AGRN: variants seen among roughly 807,000 people sequenced by gnomAD.
The protein encoded by AGRN is agrin.
Under a neutral mutation model 211.0 loss-of-function variants are expected in AGRN, and 106 were observed. The observed-to-expected ratio is 0.50, with a 90% CI of 0.43 to 0.59. The LOEUF (loss-of-function observed/expected upper bound fraction) is 0.59, where lower values mean the gene tolerates loss of function less well. Among genes scored for constraint, AGRN ranks in the 20% least tolerant of loss-of-function variants. The pLI, the probability that AGRN is intolerant of heterozygous loss-of-function variation, is 0.00. For synonymous variants in AGRN, 1,525 were observed against 1,332.5 expected (o/e 1.14, Z -3.15); for missense variants, 3,040 against 2,982.6 (o/e 1.02, Z -0.45).
chr1:1,051,161 TG>T (rs1645274906), intron 30 of AGRN, 91 bp from the exon 31 acceptor site: 1 of 492,858 alleles, frequency 2.0e-6, no homozygotes, highest in African/African-American at 2.4e-5. Flanking sequence ...AGATAGGCAA[TG>T]GGCGGGTGGG....
At chr1:1,046,775 C>A in intron 18 of AGRN, 40 bp downstream of exon 18, 1 of 1,571,622 alleles carries the variant, frequency 6.4e-7, no homozygotes, top group Non-Finnish European at 8.6e-7. Flanking sequence ...TGGGCAGGCG[C>A]CGAGAGGCTC....
chr1:1,026,691 C>T (rs749219005), intron 2 of AGRN, among the ~76,000 whole-genome samples: 29 of 152,142 alleles, frequency 1.9e-4, no homozygotes, highest in Non-Finnish European at 4.0e-4. Flanking sequence ...CCCCAGGGCC[C>T]CCGAAGCCCA....
chr1:1,044,897 G>A (rs753074990), intron 12 of AGRN, among the ~76,000 whole-genome samples: 2 of 152,164 alleles, frequency 1.3e-5, no homozygotes, highest in Non-Finnish European at 1.5e-5. Flanking sequence ...GGAAGCTCGC[G>A]TGTGTGTGTG....
Position 1,054,496 on chromosome 1 carries a change from C to G in AGRN, c.5925C>G (p.Thr1975=). 6.2e-7 allele frequency: 1 copy of G among 1,603,230 alleles called. No homozygotes were observed. Among genetic ancestry groups the G allele is most frequent in the Non-Finnish European group, 8.5e-7 (1 of 1,175,774 alleles). ...SLQVGNEAPV[T]GSSPLGATQL... ...AGGTGGGCAATGAGGCCCCTGTGAC[C>G]GGCTCCTCCCCGCTGGGCGCCACGC... The change falls in exon 35 of 36, where the codon ACC becomes ACG. Residue 1975 remains threonine, a synonymous_variant. Transcript: ENST00000379370.
intron 2 of AGRN, among the ~76,000 whole-genome samples, chr1:1,033,514 C>A (rs1644721328): frequency 6.6e-6 from 1 of 151,620 alleles, no homozygotes. Context: ...CCCGGCCGCA[C>A]CCGCCTCCGC....
At position 1,049,788 on chromosome 1, in the gene AGRN, C is replaced by T; in HGVS notation, c.4737C>T (p.Gly1579=). The T allele has an allele frequency of 6.3e-7, 1 of 1,595,126 alleles. No individual in the cohort carries two copies. Among genetic ancestry groups the T allele is most frequent in the Non-Finnish European group, 8.5e-7 (1 of 1,171,538 alleles). ...GGTTCCATTGCCAGTGCCCGCCCGG[C>T]CGCGTCGGTGAGGGTGGGGCCGGGG... is the stretch of plus-strand genomic sequence containing the variant. The part of the protein sequence containing the change: ...AGRFHCQCPP[G]RVGPTCADEK... The change falls in exon 26 of 36, where the codon GGC becomes GGT. Residue 1579 remains glycine (G), a synonymous_variant. Coordinates refer to ENST00000379370, the MANE Select transcript of AGRN (RefSeq NM_198576.4).
In AGRN at chr1:1,020,322, G is replaced by A; in HGVS notation, c.150G>A (p.Thr50=). 1 of 1,492,190 alleles carries A rather than the reference G, an allele frequency of 6.7e-7. No homozygotes were observed. Among genetic ancestry groups the A allele is most frequent in the Non-Finnish European group, 8.9e-7 (1 of 1,119,722 alleles). 92.4% of individuals were successfully genotyped at this position (1,492,190 alleles called of 1,614,324 possible). ...AGGCGAACGTGGTGCTCACCGGGAC[G>A]GTGGAGGAGATCCTCAACGTGGACC... ...EEEANVVLTG[T]VEEILNVDPV... The change falls in exon 1 of 36, where the codon ACG becomes ACA. Residue 50 remains threonine (T), a synonymous_variant. Transcript: ENST00000379370.
At chr1:1,053,365 G>T in intron 33 of AGRN, 2 of 1,128,450 alleles carry the variant, frequency 1.8e-6, no homozygotes, top group Non-Finnish European at 2.3e-6. Flanking sequence ...TGTCTTCTGT[G>T]GGTGCCTGCT....
At position 1,050,004 on chromosome 1, in the gene AGRN, C is replaced by G. The variant is rs1407274735; in HGVS notation, c.4846C>G (p.Pro1616Ala). 6.2e-7 allele frequency: 1 copy of G among 1,610,762 alleles called. No homozygotes were observed. ...CGAGGGTGGTGCTCAGTGCGAGTGC[C>G]CCCTGGGGCGTGAGGGCACCTTCTG... Reference protein sequence around the residue: ...LPEGGAQCECPLGREGTFCQT... With the variant: ...LPEGGAQCECALGREGTFCQT... The change falls in exon 27 of 36, where the codon CCC (proline) becomes GCC (alanine). Residue 1616 changes from proline (P) to alanine (A), a missense_variant. This residue lies in a region of AGRN where 1,537 missense variants were observed against 1,505.0 expected (regional missense o/e 1.02). Coordinates refer to ENST00000379370, the MANE Select transcript of AGRN (RefSeq NM_198576.4).
At chr1:1,033,468 C>T (rs1280777192) in intron 2 of AGRN, among the ~76,000 whole-genome samples, 1 of 151,630 alleles carries the variant, frequency 6.6e-6, no homozygotes, top group Non-Finnish European at 1.5e-5. Context: ...CGGCCCAGCT[C>T]CTGCTCCCCA....
At position 1,032,482 on chromosome 1, in the gene AGRN, A is replaced by G. The variant is rs1284161450; in HGVS notation, c.464-2795A>G. 6.6e-6 allele frequency among the ~76,000 whole-genome samples: 1 copy of G among 152,104 alleles called. No homozygotes were observed. Among genetic ancestry groups the G allele is most frequent in the Non-Finnish European group, 1.5e-5 (1 of 68,010 alleles). ...GTTGGGGAGAGTCCAGATGGAGGCC[A>G]TGGGGTTGAGGGGCCCAGACACCCG... On this transcript the variant is annotated intron_variant, in intron 2 of 35. Transcript: ENST00000379370. The surrounding 1 kb of genome is among the most constrained non-coding windows in gnomAD (Gnocchi z 4.7).
rs552815615 is a variant in AGRN, at chr1:1,029,082, T to G, written c.464-6195T>G. Among the ~76,000 whole-genome samples the G allele has an allele frequency of 9.1e-3, 1,287 of 140,724 alleles. 45 individuals carry two copies. The highest frequency in any genetic ancestry group is 0.026 in the African/African-American group (933 of 35,540). The allele number at this position is 140,724 out of a possible 152,430, so 92.3% of individuals were successfully genotyped here. A position where few individuals can be genotyped will look rare whatever the true frequency, so the allele number is the denominator to read the frequency against. On this transcript the variant is annotated intron_variant, in intron 2 of 35. Coordinates refer to ENST00000379370, the MANE Select transcript of AGRN (RefSeq NM_198576.4). Reference sequence around the variant, plus strand: ...CAAGGAACCGAGCCCCAGCCCCTCGTGGGCCAAGGGCGCCCACAGCCACGC... The same window carrying G: ...CAAGGAACCGAGCCCCAGCCCCTCGGGGGCCAAGGGCGCCCACAGCCACGC...
chr1:1,054,027 C>A, intron 34 of AGRN, 50 bp downstream of exon 34: 1 of 1,533,198 alleles, frequency 6.5e-7, no homozygotes, highest in Non-Finnish European at 8.8e-7. Context: ...GCTGCCCAGA[C>A]TTGCCCAGCT....
In AGRN at chr1:1,044,134, C is replaced by G. The variant is rs28484890; in HGVS notation, c.2025C>G (p.Gly675=). ...CCGAGTGCGGTTCCGGAGGCTCTGG[C>G]TCTGGGGAGGACGGTGACTGTGAGC... The part of the protein sequence containing the change: ...EQAECGSGGS[G]SGEDGDCEQE... Residue 675 remains glycine, a synonymous_variant, in exon 11 of 36, where the codon GGC becomes GGG. Transcript: ENST00000379370. 3,231 of 1,613,270 alleles carry G rather than the reference C, an allele frequency of 2.0e-3. 59 individuals are homozygous for G. The African/African-American group carries it at 0.037, about 18-fold the overall frequency.
At chr1:1,027,639 G>A (rs530841055) in intron 2 of AGRN, among the ~76,000 whole-genome samples, 57 of 152,332 alleles carry the variant, frequency 3.7e-4, no homozygotes, top group Non-Finnish European at 4.3e-4. Flanking sequence ...GGTCCCTTGG[G>A]GCGGCAGTGA....
rs1289156209 is a variant in AGRN, at chr1:1,032,391, AT to A, written c.464-2883del. Among the ~76,000 whole-genome samples, 1 of 152,058 alleles carries A rather than the reference AT, an allele frequency of 6.6e-6. No homozygotes were observed. The highest frequency in any genetic ancestry group is 1.9e-4 in the East Asian group (1 of 5,180). On this transcript the variant is annotated intron_variant, in intron 2 of 35. Coordinates refer to ENST00000379370, the MANE Select transcript of AGRN (RefSeq NM_198576.4). This position sits in a 1 kb window ranked among gnomAD's most constrained non-coding sequence, Gnocchi z 4.7. The stretch of plus-strand genomic sequence containing the variant: ...TCCCAGCTAAGGTGGGGTTGGTGGG[AT>A]TTGGCTGGGGCCCTTGGAGGAGCCT...
intron 3 of AGRN, among the ~76,000 whole-genome samples, chr1:1,035,860 G>A (rs1405141208): frequency 6.6e-6 from 1 of 152,044 alleles, no homozygotes; most frequent in African/African-American, 2.4e-5. Context: ...GTGATGGAGG[G>A]GGCGGGCTGA....
chr1:1,039,754 C>T (rs1046846945), intron 3 of AGRN, among the ~76,000 whole-genome samples: 9 of 151,854 alleles, frequency 5.9e-5, no homozygotes, highest in Non-Finnish European at 1.3e-4. Flanking sequence ...GAAGGAAGTT[C>T]GCTTTGACAG....
chr1:1,025,645 C>G (rs1438517851), intron 2 of AGRN, among the ~76,000 whole-genome samples: 1 of 152,122 alleles, frequency 6.6e-6, no homozygotes, highest in Non-Finnish European at 1.5e-5. Flanking sequence ...CCCATGAGCC[C>G]CTCTCTGGCC....
Sources: allele counts gnomAD v4.1 joint callset (sites outside exome capture counted in the v4.1 genomes callset), GRCh38; gene constraint gnomAD v4.1.1; regional missense constraint gnomAD v4.1.1; non-coding constraint Gnocchi (gnomAD v3.1); transcripts MANE v1.5; gene names NCBI Gene and HGNC (gene_info 2026-07-23, HGNC 2026-07-21).